The following GABRB1 variants were observed in gnomAD, a reference collection of about 807,000 sequenced individuals.
GABRB1 encodes the protein gamma-aminobutyric acid type A receptor subunit beta1.
In GABRB1, 17 loss-of-function variants were observed where a neutral mutation model predicts 51.6. The ratio of observed to expected loss-of-function variants is 0.33; its 90% CI spans 0.23 to 0.49. The LOEUF (loss-of-function observed/expected upper bound fraction) is 0.49, where lower values mean the gene tolerates loss of function less well. GABRB1 is among the 20% of genes least tolerant of loss of function. The pLI is 0.99. For missense variants in GABRB1, 410 were observed against 600.6 expected (o/e 0.68, Z 3.32); for synonymous variants, 247 against 218.9 (o/e 1.13, Z -1.14).
chr4:47,313,248 A>C (rs543626979), intron 4 of GABRB1, among the ~76,000 whole-genome samples: 1 of 152,322 alleles, frequency 6.6e-6, no homozygotes, highest in Admixed American at 6.5e-5. Flanking sequence ...CAGTCAGTTA[A>C]TGCTTTTGCC....
intron 4 of GABRB1, among the ~76,000 whole-genome samples, chr4:47,165,356 T>C (rs1445736626): frequency 6.6e-6 from 1 of 151,992 alleles, no homozygotes; most frequent in East Asian, 1.9e-4. Flanking sequence ...CTTCAGTTTC[T>C]GCTTTGAGCA....
At chr4:47,365,534 T>C (rs1458976950) in intron 5 of GABRB1, among the ~76,000 whole-genome samples, 1 of 152,138 alleles carries the variant, frequency 6.6e-6, no homozygotes, top group African/African-American at 2.4e-5. Context: ...TCTTCCTTGC[T>C]CCACCCCCGC....
At position 47,161,304 on chromosome 4, in the gene GABRB1, A is replaced by C. The variant is rs1211865241; in HGVS notation, c.296A>C (p.Tyr99Ser). The C allele has an allele frequency of 6.2e-7, 1 of 1,611,452 alleles. No homozygotes were observed. Among genetic ancestry groups the C allele is most frequent in the African/African-American group, 1.3e-5 (1 of 74,460 alleles). ...QQSWKDKRLS[Y>S]SGIPLNLTLD... ...TCTTGGAAAGACAAAAGGCTTTCTTATTCTGGAATCCCACTGAACCTCACC... is the reference window on the plus strand; with the variant it reads ...TCTTGGAAAGACAAAAGGCTTTCTTCTTCTGGAATCCCACTGAACCTCACC... Residue 99 changes from tyrosine to serine, a missense_variant, in exon 4 of 9, where the codon TAT (tyrosine) becomes TCT (serine). Tyr to Ser is a moderately radical substitution (Grantham distance 144). Transcript: ENST00000295454.
intron 5 of GABRB1, among the ~76,000 whole-genome samples, chr4:47,352,679 T>C (rs1726398206): frequency 6.6e-6 from 1 of 152,232 alleles, no homozygotes; most frequent in East Asian, 1.9e-4. Context: ...TACTGTTTTA[T>C]TCTAGATTCT....
intron 4 of GABRB1, among the ~76,000 whole-genome samples, chr4:47,168,490 A>G (rs1427899017): frequency 6.6e-6 from 1 of 151,954 alleles, no homozygotes; most frequent in East Asian, 1.9e-4. Context: ...ATATTCCCTT[A>G]TTGTAAATGT....
intron 4 of GABRB1, among the ~76,000 whole-genome samples, chr4:47,311,060 C>CAAAAAA (rs34566582): frequency 1.7e-4 from 9 of 52,174 alleles, no homozygotes; most frequent in Non-Finnish European, 2.9e-4. Flanking sequence ...AACTCTGTCT[C>CAAAAAA]AAAAAAAAAA....
At chr4:46,995,992 T>G (rs1723982986) in intron 1 of GABRB1, among the ~76,000 whole-genome samples, 1 of 152,076 alleles carries the variant, frequency 6.6e-6, no homozygotes, top group South Asian at 2.1e-4. Context: ...TTTATGCCAC[T>G]TTTGTATTAC....
chr4:47,311,612 C>G (rs1367195207), intron 4 of GABRB1, among the ~76,000 whole-genome samples: 1 of 151,996 alleles, frequency 6.6e-6, no homozygotes, highest in African/African-American at 2.4e-5. Flanking sequence ...CTTAGAGCCT[C>G]CAGGAGGAAC....
chr4:47,258,796 A>T (rs947156016), intron 4 of GABRB1, among the ~76,000 whole-genome samples: 2 of 152,186 alleles, frequency 1.3e-5, no homozygotes, highest in African/African-American at 4.8e-5. Flanking sequence ...TATTTTCCTA[A>T]AAAGTGTCTC....
intron 4 of GABRB1, among the ~76,000 whole-genome samples, chr4:47,214,344 G>A (rs186785421): frequency 1.3e-5 from 2 of 152,096 alleles, no homozygotes; most frequent in African/African-American, 2.4e-5. Context: ...TTTCCTTGCA[G>A]TCTCTACCTC....
At chr4:47,320,921 C>A (rs1057094566) in intron 5 of GABRB1, among the ~76,000 whole-genome samples, 4 of 152,284 alleles carry the variant, frequency 2.6e-5, no homozygotes, top group Admixed American at 6.5e-5. Flanking sequence ...AGGCGCCCGC[C>A]ACCACGCCCA....
intron 3 of GABRB1, among the ~76,000 whole-genome samples, chr4:47,149,445 T>G (rs1467932704): frequency 6.6e-6 from 1 of 152,046 alleles, no homozygotes; most frequent in African/African-American, 2.4e-5. Flanking sequence ...ATAAGGAAAC[T>G]GAGTTTCAGA....
At chr4:47,172,837 T>A (rs893877589) in intron 4 of GABRB1, among the ~76,000 whole-genome samples, 1 of 152,020 alleles carries the variant, frequency 6.6e-6, no homozygotes, top group Admixed American at 6.6e-5. Context: ...AGACGGAGTT[T>A]CACCATGTTG....
intron 4 of GABRB1, among the ~76,000 whole-genome samples, chr4:47,203,962 A>G (rs1720011327): frequency 6.6e-6 from 1 of 152,124 alleles, no homozygotes; most frequent in Non-Finnish European, 1.5e-5. Flanking sequence ...TAAAAAATAA[A>G]ACAGCTGGGC....
At chr4:47,412,334 A>C (rs928462938) in intron 8 of GABRB1, among the ~76,000 whole-genome samples, 25 of 152,158 alleles carry the variant, frequency 1.6e-4, no homozygotes, top group Non-Finnish European at 1.3e-4. Flanking sequence ...TCTCCATTTT[A>C]GATGTTTTTA....
chr4:47,351,057 C>T (rs749118970), intron 5 of GABRB1, among the ~76,000 whole-genome samples: 6 of 152,212 alleles, frequency 3.9e-5, no homozygotes, highest in Non-Finnish European at 5.9e-5. Flanking sequence ...GCAAGCTTCA[C>T]AGCTCTGTGG....
At chr4:47,052,389 G>A (rs1726389130) in intron 3 of GABRB1, among the ~76,000 whole-genome samples, 1 of 152,094 alleles carries the variant, frequency 6.6e-6, no homozygotes, top group African/African-American at 2.4e-5. Flanking sequence ...CAAACTCAAG[G>A]GTGAATATTA....
chr4:47,291,865 TA>T (rs1723750123), intron 4 of GABRB1, among the ~76,000 whole-genome samples: 1 of 152,232 alleles, frequency 6.6e-6, no homozygotes, highest in Admixed American at 6.5e-5. Context: ...CTTTTGATTT[TA>T]CAGGCTCATA....
At chr4:47,163,763 G>C (rs1235434945) in intron 4 of GABRB1, among the ~76,000 whole-genome samples, 1 of 151,930 alleles carries the variant, frequency 6.6e-6, no homozygotes, top group Non-Finnish European at 1.5e-5. Context: ...GGCCTAACCA[G>C]TTGATGCCCT....
Sources: allele counts gnomAD v4.1 joint callset (sites outside exome capture counted in the v4.1 genomes callset), GRCh38; gene constraint gnomAD v4.1.1; transcripts MANE v1.5; gene names NCBI Gene and HGNC (gene_info 2026-07-23, HGNC 2026-07-21).